Variants in RGS17 observed in about 807,000 individuals in gnomAD.
The protein encoded by RGS17 is regulator of G protein signaling 17, also known as regulator of G-protein signaling 17.
In RGS17, 12 loss-of-function variants were observed where a neutral mutation model predicts 25.5. The ratio of observed to expected loss-of-function variants is 0.47; its 90% confidence interval spans 0.30 to 0.76. RGS17 has a LOEUF of 0.76. RGS17 is among the 30% of genes least tolerant of loss of function. The pLI is 0.07. For synonymous variants in RGS17, 71 were observed against 76.9 expected (o/e 0.92, Z 0.40); for missense variants, 196 against 242.2 (o/e 0.81, Z 1.27).
chr6:153,081,832 A>G (rs1776991330), intron 1 of RGS17, among the ~76,000 whole-genome samples: 1 of 152,198 alleles, frequency 6.6e-6, no homozygotes, highest in East Asian at 1.9e-4. Context: ...TTTTCCATTT[A>G]AGACAGACTT....
intron 1 of RGS17, among the ~76,000 whole-genome samples, chr6:153,107,206 G>A (rs990991404): frequency 5.3e-5 from 8 of 151,856 alleles, no homozygotes; most frequent in African/African-American, 9.7e-5. Flanking sequence ...GGTGGTGGGC[G>A]CCTGTAATCC....
intron 1 of RGS17, among the ~76,000 whole-genome samples, chr6:153,074,670 C>T (rs540708983): frequency 1.3e-5 from 2 of 152,074 alleles, no homozygotes; most frequent in Admixed American, 6.6e-5. Flanking sequence ...AAACAGGATA[C>T]GGTTTATTAG....
intron 1 of RGS17, among the ~76,000 whole-genome samples, chr6:153,094,785 C>A (rs1398909156): frequency 1.3e-5 from 2 of 152,132 alleles, no homozygotes; most frequent in African/African-American, 4.8e-5. Context: ...TTACACATGG[C>A]ACATATCTTC....
rs1321547127 is a variant in RGS17 at position 153,026,550 on chromosome 6, T to C, written c.120-7A>G. ...TTCATTCCTCACAGTGAGGCTGTAA[T>C]GTAACAGAACATTTAATTTTGTCAA... On this transcript the variant is annotated splice_polypyrimidine_tract_variant and splice_region_variant and intron_variant, in intron 2 of 4. Transcript: ENST00000206262. 3.1e-6 allele frequency: 5 copies of C among 1,603,668 alleles called. No homozygotes were observed. The highest frequency in any genetic ancestry group is 2.2e-5 in the South Asian group (2 of 90,576).
At chr6:153,058,526 C>G (rs1027541690) in intron 1 of RGS17, among the ~76,000 whole-genome samples, 3 of 152,154 alleles carry the variant, frequency 2.0e-5, no homozygotes, top group Non-Finnish European at 4.4e-5. Context: ...TCATTATAAC[C>G]GTCGCTGTCT....
At chr6:153,058,015 C>A (rs1776583502) in intron 1 of RGS17, among the ~76,000 whole-genome samples, 1 of 152,132 alleles carries the variant, frequency 6.6e-6, no homozygotes, top group South Asian at 2.1e-4. Flanking sequence ...GGTTGGGGAC[C>A]CCTGACTTTA....
intron 1 of RGS17, among the ~76,000 whole-genome samples, chr6:153,054,092 T>TTA (rs1199437911): frequency 0.33 from 13,961 of 42,034 alleles, 3,440 homozygotes; most frequent in Middle Eastern, 0.57. Flanking sequence ...ACAATATTTT[T>TTA]TATATATATA....
intron 1 of RGS17, among the ~76,000 whole-genome samples, chr6:153,094,801 G>A (rs1415386180): frequency 6.6e-6 from 1 of 152,004 alleles, no homozygotes; most frequent in Non-Finnish European, 1.5e-5. Flanking sequence ...TCTTCATGGA[G>A]GGCTTTTATA....
intron 1 of RGS17, among the ~76,000 whole-genome samples, chr6:153,059,015 T>A (rs1366280184): frequency 6.6e-6 from 1 of 152,172 alleles, no homozygotes; most frequent in African/African-American, 2.4e-5. Flanking sequence ...TTCTGGTCCT[T>A]ACTCTGGGTG....
At chr6:153,069,961 T>G (rs1272857839) in intron 1 of RGS17, among the ~76,000 whole-genome samples, 1 of 152,146 alleles carries the variant, frequency 6.6e-6, no homozygotes, top group African/African-American at 2.4e-5. Context: ...TGGTTCCATC[T>G]TTGTCCTTTT....
chr6:153,024,287 T>C lies in RGS17; in HGVS notation c.419A>G (p.Tyr140Cys). Reference sequence around the variant, plus strand: ...CTCTTTTGGTGATAGTATAGAAATGTAATCTTCATATATCATCCTAGCCTT... The same window carrying C: ...CTCTTTTGGTGATAGTATAGAAATGCAATCTTCATATATCATCCTAGCCTT... Reference protein sequence around the residue: ...EEKARMIYEDYISILSPKEVS... With the variant: ...EEKARMIYEDCISILSPKEVS... Residue 140 changes from tyrosine to cysteine, a missense_variant, in exon 4 of 5, where the codon TAC becomes TGC. Transcript: ENST00000206262. 1 of 1,611,674 alleles carries C rather than the reference T, an allele frequency of 6.2e-7. No homozygotes were observed. Among genetic ancestry groups the C allele is most frequent in the Non-Finnish European group, 8.5e-7 (1 of 1,178,098 alleles).
intron 1 of RGS17, among the ~76,000 whole-genome samples, chr6:153,114,914 T>C (rs1034664473): frequency 2.6e-5 from 4 of 152,194 alleles, no homozygotes; most frequent in Admixed American, 6.5e-5. Flanking sequence ...TAACTAGGTA[T>C]TGATGGAACG....
At chr6:153,110,726 A>G (rs1024271658) in intron 1 of RGS17, among the ~76,000 whole-genome samples, 2 of 152,142 alleles carry the variant, frequency 1.3e-5, no homozygotes, top group African/African-American at 2.4e-5. Context: ...TGCATTTCCA[A>G]CTGAGGTACC....
At chr6:153,058,543 G>A (rs185345822) in intron 1 of RGS17, among the ~76,000 whole-genome samples, 9 of 152,266 alleles carry the variant, frequency 5.9e-5, no homozygotes, top group South Asian at 2.1e-4. Context: ...GTCTTGTCAT[G>A]GTTGTTGAAA....
chr6:153,046,480 T>C (rs771334850), intron 1 of RGS17, among the ~76,000 whole-genome samples: 57 of 151,862 alleles, frequency 3.8e-4, no homozygotes, highest in South Asian at 8.3e-4. Context: ...CCCATGAATA[T>C]GTACAATTAT....
At chr6:153,081,691 T>G (rs954628546) in intron 1 of RGS17, among the ~76,000 whole-genome samples, 1 of 152,150 alleles carries the variant, frequency 6.6e-6, no homozygotes, top group East Asian at 1.9e-4. Context: ...TTCCCTGTGC[T>G]ATTATTGTTT....
In RGS17 at chr6:153,112,665, G is replaced by T. The variant is rs559622397; in HGVS notation, c.-26+18459C>A. On this transcript the variant is annotated intron_variant, in intron 1 of 4. Coordinates refer to ENST00000206262, the MANE Select transcript of RGS17 (RefSeq NM_012419.5). ...AATGAAGGAAAAAATGTTAAGGGCA[G>T]CCAGAGAAAAAGGTCGGGTTACCCA... Among the ~76,000 whole-genome samples, 80 of 152,282 alleles carry T rather than the reference G, an allele frequency of 5.3e-4. 1 individual carries two copies. The highest frequency in any genetic ancestry group is 1.8e-3 in the African/African-American group (76 of 41,562).
chr6:153,020,448 C>T lies in RGS17; in HGVS notation c.444+3814G>A, dbSNP rs115022306. On this transcript the variant is annotated intron_variant, in intron 4 of 4. Transcript: ENST00000206262. ...GATTACAGGTGTGAGCCACCGCGCC[C>T]GGTGATATCTCTTATTTTATAACAC... Among the ~76,000 whole-genome samples the T allele has an allele frequency of 8.6e-3, 1,306 of 151,664 alleles. 17 individuals carry two copies. Among genetic ancestry groups the T allele is most frequent in the African/African-American group, 0.029 (1,208 of 41,408 alleles).
rs75949163 is a variant in RGS17, at chr6:153,061,964, C to T, written c.-25-17921G>A. On this transcript the variant is annotated intron_variant, in intron 1 of 4. Coordinates refer to ENST00000206262, the MANE Select transcript of RGS17 (RefSeq NM_012419.5). ...GTCTTAAACCTAGCTGATATCTATA[C>T]GAAAGATAGAATCAAATAATCAGTT... 4.5e-3 allele frequency among the ~76,000 whole-genome samples: 679 copies of T among 152,186 alleles called. 13 individuals are homozygous for T. The highest frequency in any genetic ancestry group is 0.015 in the African/African-American group (643 of 41,536).
Sources: allele counts gnomAD v4.1 joint callset (sites outside exome capture counted in the v4.1 genomes callset), GRCh38; gene constraint gnomAD v4.1.1; transcripts MANE v1.5; gene names NCBI Gene and HGNC (gene_info 2026-07-23, HGNC 2026-07-21).